The following ATP2B1 variants were observed in gnomAD, a reference collection of about 807,000 sequenced individuals.
ATP2B1 encodes the protein ATPase plasma membrane Ca2+ transporting 1, also known as plasma membrane calcium-transporting ATPase 1.
Under a neutral mutation model 124.2 loss-of-function variants are expected in ATP2B1, and 14 were observed. That is an observed-to-expected ratio of 0.11 (90% confidence interval 0.07 to 0.18). The LOEUF is 0.18. Among genes scored for constraint, ATP2B1 ranks in the 10% least tolerant of loss-of-function variants. The pLI, the probability that ATP2B1 is intolerant of heterozygous loss-of-function variation, is 1.00. For missense variants in ATP2B1, 763 were observed against 1,466.1 expected (o/e 0.52, Z 7.83); for synonymous variants, 449 against 492.4 (o/e 0.91, Z 1.17).
At chr12:89,664,674 T>C (rs778999993) in intron 1 of ATP2B1, among the ~76,000 whole-genome samples, 3 of 152,208 alleles carry the variant, frequency 2.0e-5, no homozygotes, top group Non-Finnish European at 4.4e-5. Context: ...TTCATGAGAC[T>C]GTCTAACAAC....
chr12:89,599,517 A>G (rs75502911), intron 19 of ATP2B1, among the ~76,000 whole-genome samples: 2,772 of 152,288 alleles, frequency 0.018, 75 homozygotes, highest in African/African-American at 0.062. Context: ...AAGTTTTCCT[A>G]AATGGAAATT....
chr12:89,659,567 T>C (rs1256051390), intron 1 of ATP2B1, among the ~76,000 whole-genome samples: 2 of 152,214 alleles, frequency 1.3e-5, no homozygotes, highest in South Asian at 2.1e-4. Context: ...TGGTTAATAA[T>C]ACAATTTCAA....
chr12:89,635,306 T>C (rs916947898), intron 3 of ATP2B1, 55 bp from the exon 4 acceptor site: 2 of 1,537,648 alleles, frequency 1.3e-6, no homozygotes, highest in South Asian at 1.2e-5. Context: ...GATGACAACA[T>C]ACATATAGTA....
chr12:89,635,353 A>T, intron 3 of ATP2B1, 102 bp from the exon 4 acceptor site: 1 of 1,308,154 alleles, frequency 7.6e-7, no homozygotes, highest in Non-Finnish European at 1.0e-6. Flanking sequence ...TATGTTTATC[A>T]ATTTTACTTA....
intron 3 of ATP2B1, among the ~76,000 whole-genome samples, chr12:89,641,338 G>A (rs886618639): frequency 6.6e-6 from 1 of 152,170 alleles, no homozygotes; most frequent in African/African-American, 2.4e-5. Flanking sequence ...AGGATACTCT[G>A]TACAGGTTGA....
chr12:89,592,782 T>A (rs1873835701), intron 20 of ATP2B1, among the ~76,000 whole-genome samples: 1 of 152,066 alleles, frequency 6.6e-6, no homozygotes, highest in Admixed American at 6.6e-5. Context: ...AAAACAATGT[T>A]AGGTCACAAG....
chr12:89,697,669 G>A (rs1401981), intron 1 of ATP2B1, among the ~76,000 whole-genome samples: 22,262 of 79,808 alleles, frequency 0.28, 2,007 homozygotes, highest in South Asian at 0.53. Context: ...AATCCAAAAG[G>A]CTTTTTTTTT....
At chr12:89,599,875 T>A (rs747842903) in intron 19 of ATP2B1, among the ~76,000 whole-genome samples, 28 of 152,152 alleles carry the variant, frequency 1.8e-4, no homozygotes, top group Non-Finnish European at 3.5e-4. Context: ...GAAACACCAA[T>A]ACACGTATAT....
intron 19 of ATP2B1, 77 bp from the exon 20 acceptor site, chr12:89,599,376 A>G: frequency 1.4e-6 from 2 of 1,473,104 alleles, no homozygotes; most frequent in Non-Finnish European, 1.8e-6. Context: ...TACTAAAGGT[A>G]TTAAAAGTGG....
rs1885919248 is a variant in ATP2B1 at position 89,656,084 on chromosome 12, A to G, written c.-198T>C. 1.1e-5 allele frequency: 6 copies of G among 533,580 alleles called. No individual in the cohort carries two copies. The highest frequency in any genetic ancestry group is 3.4e-5 in the South Asian group (1 of 29,634). 33.1% of individuals were successfully genotyped at this position (533,580 alleles called of 1,614,324 possible). On this transcript the variant is annotated 5_prime_UTR_variant, in exon 2 of 21. The change abolishes an upstream ATG in the 5' untranslated region. Coordinates refer to ENST00000428670, the MANE Select transcript of ATP2B1 (RefSeq NM_001366521.1). Reference sequence around the variant, plus strand: ...CCTTTGGCCCATGACTAGTTTCTCCATATCAATCATGAGATATACACATCT... The same window carrying G: ...CCTTTGGCCCATGACTAGTTTCTCCGTATCAATCATGAGATATACACATCT...
At chr12:89,632,162 T>C (rs920253044) in intron 5 of ATP2B1, among the ~76,000 whole-genome samples, 1 of 152,114 alleles carries the variant, frequency 6.6e-6, no homozygotes, top group African/African-American at 2.4e-5. Context: ...TTACACGTTA[T>C]CATTGATTTG....
chr12:89,618,001 G>A (rs1351718447), intron 11 of ATP2B1, among the ~76,000 whole-genome samples: 1 of 151,894 alleles, frequency 6.6e-6, no homozygotes, highest in Non-Finnish European at 1.5e-5. Context: ...TATTTCTCCT[G>A]CTACTACTTT....
intron 6 of ATP2B1, 70 bp from the exon 7 acceptor site, chr12:89,627,786 G>C: frequency 6.7e-7 from 1 of 1,485,208 alleles, no homozygotes; most frequent in Non-Finnish European, 9.4e-7. Context: ...TTATGCAGAA[G>C]TAGTTCACAT....
intron 1 of ATP2B1, among the ~76,000 whole-genome samples, chr12:89,677,956 A>T (rs1341846919): frequency 3.1e-5 from 1 of 32,478 alleles, no homozygotes; most frequent in Non-Finnish European, 6.2e-5. Flanking sequence ...TGCAGGAATT[A>T]TATATATATA....
At chr12:89,700,151 G>A (rs769737220) in intron 1 of ATP2B1, among the ~76,000 whole-genome samples, 3 of 151,934 alleles carry the variant, frequency 2.0e-5, no homozygotes, top group Non-Finnish European at 4.4e-5. Flanking sequence ...ACTGCGCTCG[G>A]CCAAAGACAG....
chr12:89,649,956 T>C lies in ATP2B1; in HGVS notation c.208+5723A>G, dbSNP rs888136883. ...TTGCTCCCTCTCTCACCATATGATG[T>C]GCCTGCTTCCACTTTACCTTCTGCC... On this transcript the variant is annotated intron_variant, in intron 2 of 20. Transcript: ENST00000428670. Among the ~76,000 whole-genome samples, 16 of 152,314 alleles carry C rather than the reference T, an allele frequency of 1.1e-4. No homozygotes were observed. In the Middle Eastern group the frequency reaches 0.01, roughly 97 times the overall value.
At chr12:89,633,480 ATT>A (rs11301314) in intron 5 of ATP2B1, among the ~76,000 whole-genome samples, 559 of 144,456 alleles carry the variant, frequency 3.9e-3, no homozygotes, top group East Asian at 3.6e-3. Context: ...ACATCTCAAG[ATT>A]TTTTTTTTTT....
intron 1 of ATP2B1, among the ~76,000 whole-genome samples, chr12:89,684,388 A>T (rs1889724080): frequency 6.6e-6 from 1 of 152,214 alleles, no homozygotes; most frequent in Non-Finnish European, 1.5e-5. Context: ...GCTATGGAAG[A>T]ATAAAGACAA....
At position 89,590,963 on chromosome 12, in the gene ATP2B1, G is replaced by A. The variant is rs773115766; in HGVS notation, c.*21C>T. ...TTTGTTTCTTTACAATGCAGCTAGT[G>A]TGTTAACATTCAGCTTACAATCAGA... On this transcript the variant is annotated 3_prime_UTR_variant, in exon 21 of 21. Coordinates refer to ENST00000428670, the MANE Select transcript of ATP2B1 (RefSeq NM_001366521.1). The A allele has an allele frequency of 1.9e-5, 31 of 1,598,584 alleles. No individual in the cohort carries two copies. The highest frequency in any genetic ancestry group is 2.5e-5 in the Non-Finnish European group (29 of 1,168,668).
Sources: allele counts gnomAD v4.1 joint callset (sites outside exome capture counted in the v4.1 genomes callset), GRCh38; gene constraint gnomAD v4.1.1; transcripts MANE v1.5; gene names NCBI Gene and HGNC (gene_info 2026-07-23, HGNC 2026-07-21).